LINGO2: variants seen among roughly 807,000 people sequenced by gnomAD.
LINGO2 encodes leucine rich repeat and Ig domain containing 2.
A neutral mutation model predicts 30.6 loss-of-function variants in LINGO2; 14 were observed. That is an observed-to-expected ratio of 0.46 (90% CI 0.30 to 0.72). The LOEUF (loss-of-function observed/expected upper bound fraction) is 0.72, where lower values mean the gene tolerates loss of function less well. LINGO2 is among the 30% of genes least tolerant of loss of function. The pLI is 0.07. For synonymous variants in LINGO2, 317 were observed against 288.5 expected (o/e 1.10, Z -1.00); for missense variants, 729 against 751.7 (o/e 0.97, Z 0.35).
At chr9:28,865,640 C>T in the LINGO2 span, among the ~76,000 whole-genome samples, 3 of 152,128 alleles carry the variant, frequency 2.0e-5, no homozygotes, top group East Asian at 1.9e-4. Context: ...AGAAATTGGC[C>T]GGGCATAGTG....
At chr9:27,990,470 C>CGG (rs77923539) in intron 5 of LINGO2, among the ~76,000 whole-genome samples, 1 of 146,832 alleles carries the variant, frequency 6.8e-6, no homozygotes, top group Non-Finnish European at 1.5e-5. Flanking sequence ...ATACCCCCCC[C>CGG]CCTTTTATTT....
At chr9:28,172,220 T>C (rs1301384337) in intron 4 of LINGO2, among the ~76,000 whole-genome samples, 2 of 146,266 alleles carry the variant, frequency 1.4e-5, no homozygotes, top group Non-Finnish European at 3.0e-5. Flanking sequence ...TGAAACCCCG[T>C]CTCTACTAAA....
chr9:28,356,866 T>G (rs909345122), intron 3 of LINGO2, among the ~76,000 whole-genome samples: 2 of 152,106 alleles, frequency 1.3e-5, no homozygotes, highest in Non-Finnish European at 2.9e-5. Context: ...TAAGCAAGTT[T>G]ACTTCCTCTT....
At chr9:28,308,576 C>G (rs1318042597) in intron 3 of LINGO2, among the ~76,000 whole-genome samples, 1 of 145,558 alleles carries the variant, frequency 6.9e-6, no homozygotes, top group Non-Finnish European at 1.5e-5. Flanking sequence ...CCAAAATTGA[C>G]AAACGGGATC....
rs527983031 is a variant in LINGO2 at position 28,102,396 on chromosome 9, G to A, written c.-86-89991C>T. Among the ~76,000 whole-genome samples the A allele has an allele frequency of 3.4e-3, 511 of 152,186 alleles. 1 individual carries two copies. The highest frequency in any genetic ancestry group is 0.01 in the Middle Eastern group (3 of 294). ...AGGGGGATCCCTAGCTGCCAGAAATGAGGTAAAAGATGAATTCATTTAAGA... is the reference window on the plus strand; with the variant it reads ...AGGGGGATCCCTAGCTGCCAGAAATAAGGTAAAAGATGAATTCATTTAAGA... On this transcript the variant is annotated intron_variant, in intron 4 of 5. Transcript: ENST00000379992.
chr9:28,934,863 C>G, the LINGO2 span, among the ~76,000 whole-genome samples: 1 of 152,108 alleles, frequency 6.6e-6, no homozygotes, highest in African/African-American at 2.4e-5. Context: ...CTTGGTAATA[C>G]AGCCATTGTC....
chr9:28,233,269 C>T (rs1195805546), intron 4 of LINGO2, among the ~76,000 whole-genome samples: 1 of 151,520 alleles, frequency 6.6e-6, no homozygotes, highest in African/African-American at 2.4e-5. Flanking sequence ...ATTAACTGAA[C>T]AAATGGGCTC....
At chr9:28,890,067 C>T in the LINGO2 span, among the ~76,000 whole-genome samples, 2 of 152,070 alleles carry the variant, frequency 1.3e-5, no homozygotes, top group African/African-American at 2.4e-5. Context: ...TACAGAATAG[C>T]ATATAGATCC....
intron 4 of LINGO2, among the ~76,000 whole-genome samples, chr9:28,101,698 C>G (rs1826420985): frequency 6.6e-6 from 1 of 152,104 alleles, no homozygotes; most frequent in Non-Finnish European, 1.5e-5. Context: ...ACTATTGCAA[C>G]AGAAGTTTGT....
At chr9:28,030,386 A>C (rs1055192890) in intron 4 of LINGO2, among the ~76,000 whole-genome samples, 1 of 152,216 alleles carries the variant, frequency 6.6e-6, no homozygotes, top group Non-Finnish European at 1.5e-5. Context: ...TCAACACCCT[A>C]AACTAAGACT....
intron 5 of LINGO2, among the ~76,000 whole-genome samples, chr9:27,998,380 G>A (rs371574333): frequency 2.0e-5 from 3 of 152,148 alleles, no homozygotes; most frequent in African/African-American, 4.8e-5. Flanking sequence ...CTTCATAGGG[G>A]GATATGCCTG....
chr9:28,949,124 T>G, the LINGO2 span, among the ~76,000 whole-genome samples: 2 of 152,046 alleles, frequency 1.3e-5, no homozygotes, highest in African/African-American at 4.8e-5. Flanking sequence ...AGAGGGAAAT[T>G]TATAGCATTA....
the LINGO2 span, among the ~76,000 whole-genome samples, chr9:29,028,447 A>G: frequency 5.3e-5 from 8 of 150,108 alleles, no homozygotes; most frequent in Admixed American, 1.3e-4. Context: ...AGAGAGAGAG[A>G]CACAGAGAGA....
At chr9:28,779,379 A>T in the LINGO2 span, among the ~76,000 whole-genome samples, 1 of 152,064 alleles carries the variant, frequency 6.6e-6, no homozygotes. Context: ...TCAACAATCC[A>T]TCTTGGCTCA....
the LINGO2 span, among the ~76,000 whole-genome samples, chr9:28,787,259 G>A: frequency 2.6e-5 from 4 of 152,066 alleles, no homozygotes; most frequent in African/African-American, 9.7e-5. Flanking sequence ...TATATAAGGA[G>A]GAAAGATCTT....
rs74943889 is a variant in LINGO2 at position 28,211,906 on chromosome 9, C to T, written c.-87+83302G>A. On this transcript the variant is annotated intron_variant, in intron 4 of 5. Transcript: ENST00000379992. ...TATTTTAAAGGTCCAGGTTAGTATT[C>T]TGCTTTGCATTCTCATGCTTAATTT... Among the ~76,000 whole-genome samples, 237 of 151,224 alleles carry T rather than the reference C, an allele frequency of 1.6e-3. 1 individual carries two copies. Among genetic ancestry groups the T allele is most frequent in the African/African-American group, 5.4e-3 (225 of 41,412 alleles).
the LINGO2 span, among the ~76,000 whole-genome samples, chr9:29,039,623 A>G: frequency 1.3e-5 from 2 of 152,090 alleles, no homozygotes; most frequent in African/African-American, 4.8e-5. Context: ...CTCTTTCCTC[A>G]TAACTTTAGT....
chr9:28,641,855 C>A (rs1827603767), intron 1 of LINGO2, among the ~76,000 whole-genome samples: 1 of 152,092 alleles, frequency 6.6e-6, no homozygotes, highest in South Asian at 2.1e-4. Context: ...AATAGTGAAG[C>A]ATGAGACTAA....
chr9:28,074,787 T>A (rs939277840), intron 4 of LINGO2, among the ~76,000 whole-genome samples: 3 of 152,108 alleles, frequency 2.0e-5, no homozygotes, highest in African/African-American at 7.2e-5. Context: ...CTTTAAACTT[T>A]TACTAAAAGA....
Sources: gnomAD v4.1 joint callset for allele counts (sites outside exome capture counted in the v4.1 genomes callset) on GRCh38, gnomAD v4.1.1 for gene constraint, MANE v1.5 for transcripts, NCBI Gene and HGNC (gene_info 2026-07-23, HGNC 2026-07-21) for gene names.